Variants in NR1H4 observed in about 807,000 individuals in gnomAD.
The protein encoded by NR1H4 is nuclear receptor subfamily 1 group H member 4.
In NR1H4, 23 loss-of-function variants were observed where a neutral mutation model predicts 58.5. That is an observed-to-expected ratio of 0.39 (90% CI 0.28 to 0.56). NR1H4 has a LOEUF of 0.56. Among genes scored for constraint, NR1H4 ranks in the 20% least tolerant of loss-of-function variants. NR1H4 has a pLI of 0.58. For missense variants in NR1H4, 487 were observed against 576.9 expected, an observed-to-expected ratio of 0.84 and a Z score of 1.60; for synonymous variants, 214 against 198.0, an observed-to-expected ratio of 1.08 and a Z score of -0.68.
intron 9 of NR1H4, among the ~76,000 whole-genome samples, chr12:100,544,838 A>G (rs760463393): frequency 2.1e-4 from 32 of 152,186 alleles, no homozygotes; most frequent in Non-Finnish European, 4.4e-4. Flanking sequence ...TCTTCTAGAC[A>G]TTGCCTGTAG....
chr12:100,512,502 TTGG>T (rs1390921096), intron 4 of NR1H4, among the ~76,000 whole-genome samples: 3 of 151,072 alleles, frequency 2.0e-5, no homozygotes, highest in East Asian at 4.0e-4. Context: ...TTAGCTGGGC[TTGG>T]TGGTGCATGC....
At chr12:100,495,685 C>T (rs532064560) in intron 3 of NR1H4, among the ~76,000 whole-genome samples, 87 of 151,726 alleles carry the variant, frequency 5.7e-4, no homozygotes, top group African/African-American at 1.9e-3. Flanking sequence ...GTCGAGATCG[C>T]GCCACTGCAC....
At chr12:100,478,735 A>G (rs896943888) in intron 1 of NR1H4, among the ~76,000 whole-genome samples, 2 of 152,196 alleles carry the variant, frequency 1.3e-5, no homozygotes, top group African/African-American at 4.8e-5. Flanking sequence ...CAATGCTACA[A>G]TGAACATCCT....
chr12:100,559,596 C>A (rs1226796858), intron 9 of NR1H4, among the ~76,000 whole-genome samples: 7 of 152,212 alleles, frequency 4.6e-5, no homozygotes, highest in Non-Finnish European at 8.8e-5. Context: ...GGATTTCTCA[C>A]CGAGCCTTAG....
At chr12:100,554,391 TAAC>T (rs902597610) in intron 9 of NR1H4, among the ~76,000 whole-genome samples, 4 of 107,670 alleles carry the variant, frequency 3.7e-5, no homozygotes, top group Non-Finnish European at 5.4e-5. Context: ...TACTTGTAAA[TAAC>T]ACACACACAC....
chr12:100,490,702 TC>T (rs1477942709), intron 1 of NR1H4, among the ~76,000 whole-genome samples: 1 of 152,188 alleles, frequency 6.6e-6, no homozygotes, highest in African/African-American at 2.4e-5. Context: ...ATTATATATA[TC>T]CTTATACAAT....
intron 9 of NR1H4, among the ~76,000 whole-genome samples, chr12:100,543,595 T>C (rs1012141118): frequency 2.0e-5 from 3 of 151,202 alleles, no homozygotes; most frequent in Admixed American, 2.0e-4. Flanking sequence ...GTGTCCAGGC[T>C]AAGGGGAAAA....
At chr12:100,491,288 T>TCCTCTGCTGGGCA (rs1953600170) in intron 1 of NR1H4, among the ~76,000 whole-genome samples, 1 of 151,986 alleles carries the variant, frequency 6.6e-6, no homozygotes, top group African/African-American at 2.4e-5. Context: ...TAGTCATGAT[T>TCCTCTGCTGGGCA]CCTCTGCTGG....
intron 9 of NR1H4, among the ~76,000 whole-genome samples, chr12:100,545,654 A>AAAC (rs1555195903): frequency 6.8e-6 from 1 of 146,534 alleles, no homozygotes; most frequent in African/African-American, 2.6e-5. Context: ...AAAAAAAAAA[A>AAAC]AAAAAAAAAA....
chr12:100,550,733 C>T (rs1383953564), intron 9 of NR1H4, among the ~76,000 whole-genome samples: 1 of 152,162 alleles, frequency 6.6e-6, no homozygotes, highest in Non-Finnish European at 1.5e-5. Flanking sequence ...CTTGTTCTGT[C>T]CATTTCAAAT....
intron 1 of NR1H4, among the ~76,000 whole-genome samples, chr12:100,486,865 C>T (rs1566428038): frequency 6.6e-6 from 1 of 150,514 alleles, no homozygotes; most frequent in Non-Finnish European, 1.5e-5. Context: ...ATAAAAGTAA[C>T]CTTTAAAAAA....
At chr12:100,513,648 A>T (rs1954181674) in intron 4 of NR1H4, among the ~76,000 whole-genome samples, 1 of 152,158 alleles carries the variant, frequency 6.6e-6, no homozygotes, top group Non-Finnish European at 1.5e-5. Flanking sequence ...TACAAAAATT[A>T]GCTGGGCATA....
At chr12:100,541,830 C>T (rs1049376538) in intron 9 of NR1H4, among the ~76,000 whole-genome samples, 2 of 151,748 alleles carry the variant, frequency 1.3e-5, no homozygotes, top group Non-Finnish European at 2.9e-5. Flanking sequence ...CTCCTGGCCT[C>T]GAGTGATCCA....
intron 4 of NR1H4, among the ~76,000 whole-genome samples, chr12:100,517,080 CATT>C (rs1324113674): frequency 6.6e-6 from 1 of 152,096 alleles, no homozygotes; most frequent in African/African-American, 2.4e-5. Context: ...ATACACAGTA[CATT>C]ATTATTAACT....
chr12:100,520,775 C>G (rs982406403), intron 4 of NR1H4, among the ~76,000 whole-genome samples: 2 of 152,202 alleles, frequency 1.3e-5, no homozygotes, highest in Admixed American at 1.3e-4. Context: ...AAGGGCATCT[C>G]TATGGGAGAG....
At chr12:100,521,712 A>C (rs896095224) in intron 4 of NR1H4, among the ~76,000 whole-genome samples, 1 of 152,200 alleles carries the variant, frequency 6.6e-6, no homozygotes, top group African/African-American at 2.4e-5. Flanking sequence ...AAACTATTCC[A>C]GTATAGAATA....
At chr12:100,511,245 T>G in intron 4 of NR1H4, 102 bp downstream of exon 4, 2 of 1,464,230 alleles carry the variant, frequency 1.4e-6, no homozygotes, top group Non-Finnish European at 1.9e-6. Context: ...AACTTCCCAT[T>G]TTCTCCTCCT....
At chr12:100,504,237 C>T (rs377417713) in intron 3 of NR1H4, among the ~76,000 whole-genome samples, 1 of 152,072 alleles carries the variant, frequency 6.6e-6, no homozygotes, top group Non-Finnish European at 1.5e-5. Context: ...TAATGTAAAT[C>T]ATATTTTAAT....
intron 4 of NR1H4, among the ~76,000 whole-genome samples, chr12:100,515,400 G>T (rs898384205): frequency 1.3e-5 from 2 of 151,956 alleles, no homozygotes; most frequent in Admixed American, 1.3e-4. Flanking sequence ...TCAAATCCCT[G>T]ACCTCAGGTG....
Sources: allele counts gnomAD v4.1 joint callset (sites outside exome capture counted in the v4.1 genomes callset), GRCh38; gene constraint gnomAD v4.1.1; transcripts MANE v1.5; gene names NCBI Gene and HGNC (gene_info 2026-07-23, HGNC 2026-07-21).